Variants in ABCC4 observed in about 807,000 individuals in gnomAD.
ABCC4 encodes the protein ATP-binding cassette sub-family C member 4.
Under a neutral mutation model 168.5 loss-of-function variants are expected in ABCC4, and 102 were observed. The ratio of observed to expected loss-of-function variants is 0.61; its 90% confidence interval spans 0.52 to 0.71. The LOEUF is 0.71. Ranked by LOEUF, ABCC4 falls within the 30% of genes least tolerant of loss-of-function variation. The pLI, the probability that ABCC4 is intolerant of heterozygous loss-of-function variation, is 0.00. For missense variants in ABCC4, 1,402 were observed against 1,605.8 expected, an observed-to-expected ratio of 0.87 and a Z score of 2.17; for synonymous variants, 617 against 590.7, an observed-to-expected ratio of 1.04 and a Z score of -0.65.
chr13:95,265,744 G>A (rs549436230), intron 1 of ABCC4, among the ~76,000 whole-genome samples: 1 of 152,268 alleles, frequency 6.6e-6, no homozygotes, highest in South Asian at 2.1e-4. Context: ...GGGCGTGTGT[G>A]TGCTCACAGC....
At chr13:95,224,142 A>T (rs1317186781) in intron 4 of ABCC4, among the ~76,000 whole-genome samples, 1 of 151,770 alleles carries the variant, frequency 6.6e-6, no homozygotes, top group Non-Finnish European at 1.5e-5. Context: ...CAAGTAAATT[A>T]TACCTAGGAT....
chr13:95,182,060 G>C (rs906075451), intron 11 of ABCC4, among the ~76,000 whole-genome samples: 3 of 152,144 alleles, frequency 2.0e-5, no homozygotes, highest in African/African-American at 7.2e-5. Context: ...AAAGTACTGG[G>C]ATTACAGGTT....
chr13:95,261,915 T>C (rs1030205085), intron 1 of ABCC4, among the ~76,000 whole-genome samples: 6 of 149,908 alleles, frequency 4.0e-5, no homozygotes, highest in Non-Finnish European at 8.9e-5. Context: ...CTGGGCAACA[T>C]AGTGAGACCT....
chr13:95,181,615 G>A (rs537966458), intron 11 of ABCC4, among the ~76,000 whole-genome samples: 1 of 152,326 alleles, frequency 6.6e-6, no homozygotes, highest in South Asian at 2.1e-4. Context: ...TAAGAGCTAT[G>A]CACCAACCAC....
Position 95,219,924 on chromosome 13 carries a change from T to G in ABCC4, c.532-9143A>C, listed in dbSNP as rs576379499. ...AGGCTGGAGTGCAATGGCATGATCT[T>G]GGCTCACTGCAACCTCCACCTCCCA... is the stretch of plus-strand genomic sequence containing the variant. On this transcript the variant is annotated intron_variant, in intron 4 of 30. Coordinates refer to ENST00000645237, the MANE Select transcript of ABCC4 (RefSeq NM_005845.5). Among the ~76,000 whole-genome samples the G allele has an allele frequency of 2.0e-5, 3 of 151,684 alleles. No individual in the cohort carries two copies. In the East Asian group the frequency reaches 5.8e-4, roughly 30 times the overall value.
chr13:95,281,009 C>CT (rs1246529418), intron 1 of ABCC4, among the ~76,000 whole-genome samples: 32 of 151,814 alleles, frequency 2.1e-4, no homozygotes, highest in East Asian at 9.7e-4. Flanking sequence ...AGAGCCATCT[C>CT]TTTTCTTTTA....
chr13:95,070,929 C>A (rs1051051805), intron 25 of ABCC4, among the ~76,000 whole-genome samples: 1 of 152,166 alleles, frequency 6.6e-6, no homozygotes, highest in Non-Finnish European at 1.5e-5. Flanking sequence ...TGTCCCCACC[C>A]AAATCTCATC....
At chr13:95,068,313 T>G (rs775274972) in intron 25 of ABCC4, among the ~76,000 whole-genome samples, 1 of 152,094 alleles carries the variant, frequency 6.6e-6, no homozygotes, top group Non-Finnish European at 1.5e-5. Context: ...ACACTGTGAG[T>G]GAACCAGGAC....
chr13:95,279,071 A>C (rs1325771575), intron 1 of ABCC4, among the ~76,000 whole-genome samples: 1 of 152,160 alleles, frequency 6.6e-6, no homozygotes, highest in Admixed American at 6.5e-5. Flanking sequence ...AATTTAACCA[A>C]ATGCTAAAAT....
chr13:95,053,251 T>A lies in ABCC4; in HGVS notation c.3367-67A>T, dbSNP rs548978012. On this transcript the variant is annotated intron_variant, in intron 26 of 30. Transcript: ENST00000645237. ...TTTTCATTTTATTCCAATGCTAACA[T>A]CAACAATAGAATTAAGATACCAAAA... 29 of 1,202,190 alleles carry A rather than the reference T, an allele frequency of 2.4e-5. No individual in the cohort carries two copies. In the African/African-American group the frequency reaches 4.4e-4, roughly 18 times the overall value. 74.5% of individuals were successfully genotyped at this position (1,202,190 alleles called of 1,614,324 possible).
intron 6 of ABCC4, among the ~76,000 whole-genome samples, chr13:95,208,229 C>T (rs895078179): frequency 4.0e-5 from 6 of 151,646 alleles, no homozygotes; most frequent in Non-Finnish European, 7.4e-5. Context: ...GAAAGGCACC[C>T]GAGCCTGACG....
intron 8 of ABCC4, among the ~76,000 whole-genome samples, chr13:95,202,818 T>C (rs2038668848): frequency 6.6e-6 from 1 of 151,674 alleles, no homozygotes; most frequent in South Asian, 2.1e-4. Flanking sequence ...CCAGCTGATT[T>C]TGTTGTTGTT....
rs531397881 is a variant in ABCC4 at position 95,194,511 on chromosome 13, T to A, written c.1263+325A>T. 9.2e-5 allele frequency among the ~76,000 whole-genome samples: 14 copies of A among 152,364 alleles called. No individual in the cohort carries two copies. In the South Asian group the frequency reaches 2.1e-3, roughly 23 times the overall value. On this transcript the variant is annotated intron_variant, in intron 9 of 30. Coordinates refer to ENST00000645237, the MANE Select transcript of ABCC4 (RefSeq NM_005845.5). ...TGTACTCAGCAGTTAACCCATTCCA[T>A]GCTGCACCCCTAGTCTGTCCAATCC...
At chr13:95,217,189 T>C (rs529921601) in intron 4 of ABCC4, among the ~76,000 whole-genome samples, 69 of 152,314 alleles carry the variant, frequency 4.5e-4, no homozygotes, top group African/African-American at 1.6e-3. Flanking sequence ...TGTATTCAAT[T>C]TCTTAAAAAT....
chr13:95,281,820 A>C (rs1420839907), intron 1 of ABCC4, among the ~76,000 whole-genome samples: 1 of 151,838 alleles, frequency 6.6e-6, no homozygotes, highest in Non-Finnish European at 1.5e-5. Context: ...AAAAAATCAC[A>C]ATCAGGCCAG....
At chr13:95,251,004 T>C (rs1483226153) in intron 1 of ABCC4, among the ~76,000 whole-genome samples, 1 of 152,092 alleles carries the variant, frequency 6.6e-6, no homozygotes, top group Non-Finnish European at 1.5e-5. Context: ...CCCAGGCTGG[T>C]ATCGAACTCC....
At chr13:95,229,844 T>C (rs2039570400) in intron 4 of ABCC4, among the ~76,000 whole-genome samples, 1 of 152,148 alleles carries the variant, frequency 6.6e-6, no homozygotes. Flanking sequence ...TCAGCTATCC[T>C]TAATCCAGGC....
chr13:95,174,953 C>G (rs2037616933), intron 13 of ABCC4, among the ~76,000 whole-genome samples: 1 of 152,164 alleles, frequency 6.6e-6, no homozygotes, highest in Non-Finnish European at 1.5e-5. Flanking sequence ...TAACATTTAC[C>G]ATTTACACCA....
At position 95,170,643 on chromosome 13, in the gene ABCC4, G is replaced by A; in HGVS notation, c.1728-15C>T. The stretch of plus-strand genomic sequence containing the variant: ...GACAAATACACCTATAAATGTAAAA[G>A]GCACAGGGTGAAAAAATGCATGAAT... On this transcript the variant is annotated splice_polypyrimidine_tract_variant and intron_variant, in intron 13 of 30. Transcript: ENST00000645237. 1 of 1,544,158 alleles carries A rather than the reference G, an allele frequency of 6.5e-7. No homozygotes were observed.
Sources: allele counts gnomAD v4.1 joint callset (sites outside exome capture counted in the v4.1 genomes callset), GRCh38; gene constraint gnomAD v4.1.1; transcripts MANE v1.5; gene names NCBI Gene and HGNC (gene_info 2026-07-23, HGNC 2026-07-21).